FAM13A: variants seen among roughly 807,000 people sequenced by gnomAD.
FAM13A encodes protein FAM13A.
In FAM13A, 76 loss-of-function variants were observed where a neutral mutation model predicts 129.6. That is an observed-to-expected ratio of 0.59 (90% confidence interval 0.49 to 0.71). FAM13A has a LOEUF of 0.71. Ranked by LOEUF, FAM13A falls within the 30% of genes least tolerant of loss-of-function variation. The probability of loss-of-function intolerance (pLI) is 0.00; values close to 1 mark genes in which losing one functional copy is unlikely to be tolerated. For synonymous variants in FAM13A, 443 were observed against 449.9 expected, an observed-to-expected ratio of 0.98 and a Z score of 0.20; for missense variants, 1,108 against 1,249.3, an observed-to-expected ratio of 0.89 and a Z score of 1.70.
intron 4 of FAM13A, among the ~76,000 whole-genome samples, chr4:88,949,198 T>C (rs1373665347): frequency 6.6e-6 from 1 of 152,212 alleles, no homozygotes; most frequent in Non-Finnish European, 1.5e-5. Context: ...AAAAAAAGCC[T>C]AATAAGTAAA....
chr4:88,843,514 C>G (rs1440718510), intron 7 of FAM13A, among the ~76,000 whole-genome samples: 1 of 152,104 alleles, frequency 6.6e-6, no homozygotes, highest in Non-Finnish European at 1.5e-5. Context: ...ATTGGAGTGC[C>G]CTTTATGAAG....
intron 2 of FAM13A, among the ~76,000 whole-genome samples, chr4:89,025,564 G>A (rs1034636202): frequency 5.9e-5 from 9 of 152,102 alleles, no homozygotes; most frequent in Admixed American, 5.2e-4. Context: ...GCGCCTGGCC[G>A]GAATCATTGT....
intron 8 of FAM13A, among the ~76,000 whole-genome samples, chr4:88,797,823 T>A (rs902688977): frequency 6.6e-6 from 1 of 152,180 alleles, no homozygotes; most frequent in African/African-American, 2.4e-5. Context: ...AAGGTTTATG[T>A]CCTTGAGGAT....
intron 4 of FAM13A, among the ~76,000 whole-genome samples, chr4:88,955,054 G>T (rs1035094347): frequency 6.6e-6 from 1 of 151,948 alleles, no homozygotes; most frequent in Non-Finnish European, 1.5e-5. Flanking sequence ...ACTCCATAGA[G>T]CTTCCTTCAT....
chr4:88,804,208 A>G (rs1728104068), intron 8 of FAM13A, among the ~76,000 whole-genome samples: 2 of 152,144 alleles, frequency 1.3e-5, no homozygotes, highest in South Asian at 4.1e-4. Flanking sequence ...AGTCGAGACC[A>G]TGCCACTGCA....
intron 7 of FAM13A, among the ~76,000 whole-genome samples, chr4:88,830,842 C>T (rs899541341): frequency 3.3e-5 from 5 of 152,156 alleles, no homozygotes; most frequent in African/African-American, 7.2e-5. Context: ...TCTTCACCAA[C>T]GAACTGGCTC....
At chr4:88,842,224 A>G (rs1187931404) in intron 7 of FAM13A, among the ~76,000 whole-genome samples, 1 of 152,240 alleles carries the variant, frequency 6.6e-6, no homozygotes, top group Non-Finnish European at 1.5e-5. Flanking sequence ...TTCATAGACA[A>G]GAAGAAATTT....
At chr4:88,923,773 G>A (rs1751575717) in intron 5 of FAM13A, among the ~76,000 whole-genome samples, 1 of 152,124 alleles carries the variant, frequency 6.6e-6, no homozygotes, top group African/African-American at 2.4e-5. Flanking sequence ...GTCCCTGTTT[G>A]CAGATGACAT....
chr4:88,967,281 T>C lies in FAM13A; in HGVS notation c.605+23692A>G, dbSNP rs1022413209. Among the ~76,000 whole-genome samples, 5 of 152,222 alleles carry C rather than the reference T, an allele frequency of 3.3e-5. 1 individual carries two copies. The South Asian group carries it at 8.3e-4, about 25-fold the overall frequency. ...GTACGTCTCTCTGATTTATCTACTA[T>C]ACATTTGGTGCACAGTATGGTGAGA... On this transcript the variant is annotated intron_variant, in intron 4 of 23. Transcript: ENST00000264344.
chr4:88,991,893 A>C (rs2149025188), intron 3 of FAM13A, among the ~76,000 whole-genome samples: 1 of 152,268 alleles, frequency 6.6e-6, no homozygotes, highest in South Asian at 2.1e-4. Context: ...AAGTCAGTTC[A>C]GCCAAGATCC....
At chr4:88,979,030 C>A (rs1449000692) in intron 4 of FAM13A, among the ~76,000 whole-genome samples, 1 of 152,048 alleles carries the variant, frequency 6.6e-6, no homozygotes, top group Non-Finnish European at 1.5e-5. Context: ...ATAAAAAAGA[C>A]GAGCACCAGC....
chr4:88,805,282 A>G (rs1206744890), intron 7 of FAM13A, among the ~76,000 whole-genome samples: 3 of 152,214 alleles, frequency 2.0e-5, no homozygotes, highest in African/African-American at 7.2e-5. Context: ...GACAGAAGTA[A>G]TTCACATCAC....
intron 1 of FAM13A, among the ~76,000 whole-genome samples, chr4:89,053,941 A>C (rs555555643): frequency 3.9e-5 from 6 of 152,304 alleles, no homozygotes; most frequent in African/African-American, 1.4e-4. Context: ...AGAGAAACAG[A>C]ATCATCCAAA....
rs1433979798 is a variant in FAM13A at position 88,946,012 on chromosome 4, A to G, written c.606-7771T>C. On this transcript the variant is annotated intron_variant, in intron 4 of 23. Transcript: ENST00000264344. The stretch of plus-strand genomic sequence containing the variant: ...TGTGTATATATATATATATATATAT[A>G]TATATATATATGTAATCCAAATCAG... Among the ~76,000 whole-genome samples the G allele has an allele frequency of 4.5e-3, 508 of 113,480 alleles. 5 individuals carry two copies. Among genetic ancestry groups the G allele is most frequent in the Non-Finnish European group, 8.1e-3 (427 of 52,670 alleles). 74.4% of individuals were successfully genotyped at this position (113,480 alleles called of 152,430 possible).
chr4:88,875,411 C>A (rs1265698293), intron 6 of FAM13A, among the ~76,000 whole-genome samples: 3 of 152,140 alleles, frequency 2.0e-5, no homozygotes, highest in Admixed American at 6.6e-5. Context: ...GGGCTAATAT[C>A]CAGAATCTAC....
chr4:88,787,874 A>G lies in FAM13A; in HGVS notation c.1150T>C (p.Ser384Pro), dbSNP rs1209203823. 4 of 1,613,548 alleles carry G rather than the reference A, an allele frequency of 2.5e-6. No homozygotes were observed. Among genetic ancestry groups the G allele is most frequent in the Non-Finnish European group, 3.4e-6 (4 of 1,179,664 alleles). The change falls in exon 10 of 24, where the codon TCT becomes CCT. Residue 384 changes from serine (S) to proline (P), a missense_variant. By Grantham distance (74) the Ser-to-Pro change is moderately conservative (BLOSUM62 -1). Transcript: ENST00000264344. ...GAGTCCTCTGAACTTTGACCTCCAG[A>G]GTTATTAACATCAAAAAGATGTTGT... The part of the protein sequence containing the change: ...VEQHLFDVNN[S>P]GGQSSEDSES...
At chr4:88,782,394 T>C (rs1324645365) in intron 10 of FAM13A, among the ~76,000 whole-genome samples, 1 of 152,086 alleles carries the variant, frequency 6.6e-6, no homozygotes, top group East Asian at 1.9e-4. Context: ...ATTCTCCTCC[T>C]TCGTGGTATG....
At chr4:88,893,130 A>G (rs761577349) in intron 6 of FAM13A, among the ~76,000 whole-genome samples, 4 of 152,248 alleles carry the variant, frequency 2.6e-5, no homozygotes, top group Non-Finnish European at 5.9e-5. Context: ...CAACATAAAC[A>G]TATGAAAAAC....
intron 6 of FAM13A, among the ~76,000 whole-genome samples, chr4:88,891,607 G>A (rs529366075): frequency 6.6e-6 from 1 of 152,290 alleles, no homozygotes; most frequent in Admixed American, 6.5e-5. Flanking sequence ...ATCCAGGCCA[G>A]GTTGAGAACT....
Sources: allele counts gnomAD v4.1 joint callset (sites outside exome capture counted in the v4.1 genomes callset), GRCh38; gene constraint gnomAD v4.1.1; transcripts MANE v1.5; gene names NCBI Gene and HGNC (gene_info 2026-07-23, HGNC 2026-07-21).